ABCA6: variants seen among roughly 807,000 people sequenced by gnomAD.
The protein encoded by ABCA6 is ATP binding cassette subfamily A member 6.
In ABCA6, 164 loss-of-function variants were observed where a neutral mutation model predicts 191.2. That is an observed-to-expected ratio of 0.86 (90% CI 0.76 to 0.98). The LOEUF is 0.98. ABCA6 is among the 50% of genes least tolerant of loss of function. The probability of loss-of-function intolerance (pLI) is 0.00; values close to 1 mark genes in which losing one functional copy is unlikely to be tolerated. For missense variants in ABCA6, 1,958 were observed against 1,894.1 expected (o/e 1.03, Z -0.63); for synonymous variants, 636 against 647.7 (o/e 0.98, Z 0.27).
chr17:69,106,221 C>A lies in ABCA6; in HGVS notation c.2390-10G>T, dbSNP rs747377500. The A allele has an allele frequency of 7.5e-6, 12 of 1,605,320 alleles. No individual in the cohort carries two copies. In the East Asian group the frequency reaches 2.2e-4, roughly 30 times the overall value. ...TCCACTTGTTCGAAATCTATAAACA[C>A]ACACATACACAAACACACATATTAT... is the stretch of plus-strand genomic sequence containing the variant. On this transcript the variant is annotated splice_polypyrimidine_tract_variant and intron_variant, in intron 18 of 38. Transcript: ENST00000284425.
rs771435786 is a variant in ABCA6, at chr17:69,140,649, T to C, written c.55A>G (p.Asn19Asp). Residue 19 changes from asparagine to aspartate, a missense_variant, in exon 2 of 39, where the codon AAT becomes GAT. By Grantham distance (23) the Asn-to-Asp change is conservative (BLOSUM62 1). Transcript: ENST00000284425. ...YQQTKALLCK[N>D]FLKKWRMKRE... ...TTCATCCTCCATTTCTTAAGAAAATTCTTGCACAGAAGTGCTTTGGTTTGC... is the reference window on the plus strand; with the variant it reads ...TTCATCCTCCATTTCTTAAGAAAATCCTTGCACAGAAGTGCTTTGGTTTGC... 1 of 1,601,274 alleles carries C rather than the reference T, an allele frequency of 6.2e-7. No homozygotes were observed. The highest frequency in any genetic ancestry group is 1.1e-5 in the South Asian group (1 of 88,660).
chr17:69,097,783 A>T, intron 23 of ABCA6, 137 bp downstream of exon 23: 1 of 576,744 alleles, frequency 1.7e-6, no homozygotes. Flanking sequence ...ACTTGCCAAG[A>T]ATAAGGTTTA....
chr17:69,124,861 G>A (rs1395122479), intron 9 of ABCA6, 27 bp downstream of exon 9: 26 of 1,421,218 alleles, frequency 1.8e-5, no homozygotes, highest in Non-Finnish European at 2.5e-5. Context: ...AACTGTAGAG[G>A]ACAGAGAAAA....
chr17:69,080,981 T>A (rs1187506631), intron 37 of ABCA6, 85 bp downstream of exon 37: 1 of 853,540 alleles, frequency 1.2e-6, no homozygotes, highest in African/African-American at 1.7e-5. Flanking sequence ...TTTTAAAAAA[T>A]TGTTACACAA....
chr17:69,130,967 T>TG (rs2144710788), intron 6 of ABCA6, among the ~76,000 whole-genome samples: 1 of 152,294 alleles, frequency 6.6e-6, no homozygotes, highest in East Asian at 1.9e-4. Flanking sequence ...GCTTTAGAGG[T>TG]GCTAGTGTTG....
chr17:69,123,826 C>CT (rs2073697128), intron 9 of ABCA6, among the ~76,000 whole-genome samples: 1 of 151,950 alleles, frequency 6.6e-6, no homozygotes, highest in Admixed American at 6.6e-5. Context: ...ATTATATGTC[C>CT]TTTTTTTCCA....
rs761856007 is a variant in ABCA6 at position 69,128,782 on chromosome 17, C to CAT, written c.955_956insAT (p.Ser319AsnfsTer5). The CAT allele has an allele frequency of 4.7e-5, 76 of 1,602,432 alleles. No individual in the cohort carries two copies. The African/African-American group carries it at 7.0e-4, about 15-fold the overall frequency. On this transcript the variant is annotated frameshift_variant, in exon 8 of 39. Transcript: ENST00000284425. LOFTEE classifies it high-confidence loss of function. ...GAGGACAGCTTTCTTTAACAGCACACTCATCAGGAACACCAAAGCTACCTG... is the reference window on the plus strand; with the variant it reads ...GAGGACAGCTTTCTTTAACAGCACACATTCATCAGGAACACCAAAGCTACCTG...
Position 69,097,949 on chromosome 17 carries a change from T to C in ABCA6, c.3091A>G (p.Ile1031Val), listed in dbSNP as rs2073086971. ...TAATCACTGATGCTGCCCATGGTGATATAAGGAGAAATGCTACATAGAACC... is the reference window on the plus strand; with the variant it reads ...TAATCACTGATGCTGCCCATGGTGACATAAGGAGAAATGCTACATAGAACC... ...FLVLCSISPY[I>V]TMGSISDYKK... Residue 1031 changes from isoleucine (I) to valine (V), a missense_variant, in exon 23 of 39, where the codon ATC (isoleucine) becomes GTC (valine). Ile to Val is a conservative substitution (Grantham distance 29, BLOSUM62 3). Transcript: ENST00000284425. 1.2e-6 allele frequency: 2 copies of C among 1,610,282 alleles called. No homozygotes were observed. Among genetic ancestry groups the C allele is most frequent in the South Asian group, 1.1e-5 (1 of 90,394 alleles).
chr17:69,106,016 T>C lies in ABCA6; in HGVS notation c.2573+12A>G. 1 of 1,591,440 alleles carries C rather than the reference T, an allele frequency of 6.3e-7. No homozygotes were observed. Among genetic ancestry groups the C allele is most frequent in the Non-Finnish European group, 8.5e-7 (1 of 1,169,688 alleles). On this transcript the variant is annotated intron_variant, in intron 19 of 38. Transcript: ENST00000284425. ...TCATGATCTAACAAAACCACAGTACTCTCCTACTCACAGGGTCAATAACAC... is the reference window on the plus strand; with the variant it reads ...TCATGATCTAACAAAACCACAGTACCCTCCTACTCACAGGGTCAATAACAC...
chr17:69,084,326 G>C lies in ABCA6; in HGVS notation c.4290C>G (p.Asn1430Lys). ...KLCFVLSLLG[N>K]SPVLLLDEPS... ...GTTCATCCAGGAGCAAGACAGGTGA[G>C]TTTCCCAGGAGGCTCAGCACAAAAC... The change falls in exon 34 of 39, where the codon AAC (asparagine) becomes AAG (lysine). Residue 1430 changes from asparagine (N) to lysine (K), a missense_variant. Asn to Lys is a moderately conservative substitution (Grantham distance 94). Transcript: ENST00000284425. 1.2e-6 allele frequency: 2 copies of C among 1,614,166 alleles called. No homozygotes were observed. The highest frequency in any genetic ancestry group is 1.7e-6 in the Non-Finnish European group (2 of 1,180,016).
rs2074013470 is a variant in ABCA6 at position 69,140,699 on chromosome 17, T to C, written c.5A>G (p.Asn2Ser). 1 of 1,593,246 alleles carries C rather than the reference T, an allele frequency of 6.3e-7. No homozygotes were observed. The highest frequency in any genetic ancestry group is 1.1e-5 in the South Asian group (1 of 87,288). Residue 2 changes from asparagine to serine, a missense_variant, in exon 2 of 39, where the codon AAT (asparagine) becomes AGT (serine). Physicochemically the swap from Asn to Ser is conservative, Grantham distance 46 (BLOSUM62 1). Coordinates refer to ENST00000284425, the MANE Select transcript of ABCA6 (RefSeq NM_080284.3). Reference sequence around the variant, plus strand: ...CTGATACACGCTTTTCTGTTTCATATTCATTTAGCCTATTCGCTGAAGGAG... The same window carrying C: ...CTGATACACGCTTTTCTGTTTCATACTCATTTAGCCTATTCGCTGAAGGAG... Reference protein sequence around the residue: MNMKQKSVYQQT... With the variant: MSMKQKSVYQQT...
In ABCA6 at chr17:69,113,711, G is replaced by A. The variant is rs1451988744; in HGVS notation, c.1809C>T (p.Asp603=). 6.2e-7 allele frequency: 1 copy of A among 1,612,166 alleles called. No individual in the cohort carries two copies. The highest frequency in any genetic ancestry group is 2.2e-5 in the East Asian group (1 of 44,776). ...QEVQRILLEL[D]MQNIQDNLAK... The stretch of plus-strand genomic sequence containing the variant: ...CAAGGTTATCTTGAATGTTTTGCAT[G>A]TCCAATTCCAATAATATTCGTTGTA... The change falls in exon 14 of 39, where the codon GAC becomes GAT. Residue 603 remains aspartate (D), a synonymous_variant. Transcript: ENST00000284425.
rs530307996 is a variant in ABCA6, at chr17:69,127,758, CTGTT to C, written c.1119+857_1119+860del. ...TTTGTATACTCTCAGCCCCACTATT[CTGTT>C]TGTTATATTAACGTAATGAACAGAA... On this transcript the variant is annotated intron_variant, in intron 8 of 38. Coordinates refer to ENST00000284425, the MANE Select transcript of ABCA6 (RefSeq NM_080284.3). 1.7e-3 allele frequency among the ~76,000 whole-genome samples: 253 copies of C among 152,174 alleles called. 1 individual carries two copies. Among genetic ancestry groups the C allele is most frequent in the African/African-American group, 5.8e-3 (240 of 41,562 alleles).
chr17:69,083,915 T>C (rs1405459358), intron 34 of ABCA6, among the ~76,000 whole-genome samples: 5 of 151,840 alleles, frequency 3.3e-5, no homozygotes, highest in Non-Finnish European at 7.4e-5. Context: ...ACAGGAAAAT[T>C]GTGTCAGGAA....
rs752314911 is a variant in ABCA6 at position 69,085,186 on chromosome 17, A to C, written c.4030-4T>G. The C allele has an allele frequency of 2.9e-5, 47 of 1,602,748 alleles. No individual in the cohort carries two copies. The highest frequency in any genetic ancestry group is 3.7e-5 in the Non-Finnish European group (44 of 1,175,036). On this transcript the variant is annotated splice_region_variant and splice_polypyrimidine_tract_variant and intron_variant, in intron 31 of 38. Transcript: ENST00000284425. ...AACTGCAGCCTTTCAGTTCCACCTA[A>C]AAAAATAAAAGAGCTTTAGAAAGGC...
At chr17:69,099,948 T>TC (rs11382456) in intron 22 of ABCA6, among the ~76,000 whole-genome samples, 119,841 of 152,068 alleles carry the variant, frequency 0.79, 50,625 homozygotes, top group Non-Finnish European at 0.94. Flanking sequence ...TGGCTTCATT[T>TC]CTAATCCTGC....
chr17:69,122,488 C>A (rs1014131466), intron 10 of ABCA6, among the ~76,000 whole-genome samples: 2 of 152,038 alleles, frequency 1.3e-5, no homozygotes, highest in African/African-American at 4.8e-5. Context: ...CTCATAACAA[C>A]CCTACAAAGT....
In ABCA6 at chr17:69,112,223, T is replaced by C. The variant is rs376838487; in HGVS notation, c.2092A>G (p.Met698Val). 48 of 1,612,660 alleles carry C rather than the reference T, an allele frequency of 3.0e-5. No individual in the cohort carries two copies. In the African/African-American group the frequency reaches 3.5e-4, roughly 12 times the overall value. ...NGRLKCAGSS[M>V]FLKRRWGLGY... ...AGACCCCACCTTCTTTTCAAAAACA[T>C]AGAAGAACCTGCACACTTCAGTCTC... Residue 698 changes from methionine to valine, a missense_variant, in exon 16 of 39, where the codon ATG (methionine) becomes GTG (valine). Physicochemically the swap from Met to Val is conservative, Grantham distance 21. Transcript: ENST00000284425.
At chr17:69,134,167 A>G (rs1006165218) in intron 5 of ABCA6, among the ~76,000 whole-genome samples, 1 of 152,208 alleles carries the variant, frequency 6.6e-6, no homozygotes, top group Non-Finnish European at 1.5e-5. Flanking sequence ...TATCTGCTTC[A>G]TTATATAACC....
Sources: allele counts gnomAD v4.1 joint callset (sites outside exome capture counted in the v4.1 genomes callset), GRCh38; gene constraint gnomAD v4.1.1; transcripts MANE v1.5; gene names NCBI Gene and HGNC (gene_info 2026-07-23, HGNC 2026-07-21).